Variants in COMMD1 observed in about 807,000 individuals in gnomAD.
COMMD1 encodes the protein COMM domain-containing protein 1.
COMMD1 carries 10 observed loss-of-function variants against 17.2 expected under a neutral mutation model. The observed-to-expected ratio is 0.58, with a 90% confidence interval of 0.36 to 0.99. The LOEUF is 0.99. COMMD1 is among the 50% of genes least tolerant of loss of function. The probability of loss-of-function intolerance (pLI) is 0.01; values close to 1 mark genes in which losing one functional copy is unlikely to be tolerated. For synonymous variants in COMMD1, 97 were observed against 91.6 expected (o/e 1.06, Z -0.34); for missense variants, 270 against 231.8 (o/e 1.17, Z -1.07).
At chr2:61,912,314 T>C (rs1401192268) in intron 1 of COMMD1, among the ~76,000 whole-genome samples, 1 of 152,190 alleles carries the variant, frequency 6.6e-6, no homozygotes, top group Non-Finnish European at 1.5e-5. Flanking sequence ...ATTAAAAAGA[T>C]TGGCATAGAG....
At chr2:62,131,919 C>T (rs529452933) in intron 2 of COMMD1, among the ~76,000 whole-genome samples, 14 of 150,060 alleles carry the variant, frequency 9.3e-5, no homozygotes, top group East Asian at 4.0e-4. Flanking sequence ...TAGACAGTCT[C>T]GCTCTGTTGC....
intron 2 of COMMD1, among the ~76,000 whole-genome samples, chr2:62,071,994 GT>G (rs35662724): frequency 9.2e-4 from 133 of 144,978 alleles, no homozygotes; most frequent in Non-Finnish European, 1.4e-3. Flanking sequence ...TTGTTAAATT[GT>G]TTTTTTTTTT....
chr2:62,056,658 G>A (rs1271164743), intron 2 of COMMD1, among the ~76,000 whole-genome samples: 2 of 152,210 alleles, frequency 1.3e-5, no homozygotes, highest in East Asian at 3.8e-4. Flanking sequence ...GAGGGATTGA[G>A]CCAAGGCCTT....
At chr2:61,936,092 C>G (rs147529991) in intron 1 of COMMD1, among the ~76,000 whole-genome samples, 2 of 152,246 alleles carry the variant, frequency 1.3e-5, no homozygotes, top group African/African-American at 4.8e-5. Context: ...TGCTGAGACA[C>G]CATGCCCGGC....
At chr2:62,094,858 T>C (rs1229154530) in intron 2 of COMMD1, among the ~76,000 whole-genome samples, 1 of 152,246 alleles carries the variant, frequency 6.6e-6, no homozygotes, top group African/African-American at 2.4e-5. Context: ...GGCCACTGGC[T>C]GATCTATCTC....
intron 2 of COMMD1, chr2:62,079,659 T>G (rs1671462772): frequency 6.6e-6 from 1 of 152,202 alleles, no homozygotes; most frequent in African/African-American, 2.4e-5. Flanking sequence ...AAGTTTATTT[T>G]GGGTTTACAT....
chr2:61,910,056 G>A lies in COMMD1; in HGVS notation c.180+4198G>A, dbSNP rs748820485. Reference sequence around the variant, plus strand: ...CTAGCTTTGCCTGTTAATCACAAAAGGACAAACCTTTCACCTGCTTGTAGA... The same window carrying A: ...CTAGCTTTGCCTGTTAATCACAAAAAGACAAACCTTTCACCTGCTTGTAGA... On this transcript the variant is annotated intron_variant, in intron 1 of 2. Coordinates refer to ENST00000311832, the MANE Select transcript of COMMD1 (RefSeq NM_152516.4). Among the ~76,000 whole-genome samples, 39 of 152,232 alleles carry A rather than the reference G, an allele frequency of 2.6e-4. 1 individual carries two copies. The highest frequency in any genetic ancestry group is 9.8e-4 in the Admixed American group (15 of 15,276).
At chr2:62,025,363 A>C (rs1669726465) in intron 2 of COMMD1, among the ~76,000 whole-genome samples, 1 of 147,942 alleles carries the variant, frequency 6.8e-6, no homozygotes, top group Non-Finnish European at 1.5e-5. Context: ...CCATCTCTAC[A>C]AAAAAATTCT....
chr2:62,079,418 C>A (rs192988240), intron 2 of COMMD1, among the ~76,000 whole-genome samples: 10 of 152,300 alleles, frequency 6.6e-5, no homozygotes, highest in African/African-American at 2.4e-4. Context: ...AATGCCTTTG[C>A]TCTCCATATA....
chr2:62,087,297 C>T (rs1258948631), intron 2 of COMMD1, among the ~76,000 whole-genome samples: 1 of 152,188 alleles, frequency 6.6e-6, no homozygotes, highest in Admixed American at 6.5e-5. Context: ...GGTCACATGG[C>T]TGCTTCAGGA....
At chr2:62,015,869 A>G (rs1409231855) in intron 2 of COMMD1, among the ~76,000 whole-genome samples, 1 of 151,902 alleles carries the variant, frequency 6.6e-6, no homozygotes, top group East Asian at 1.9e-4. Context: ...GTCTTGCTCC[A>G]TCTCCCAGGC....
Position 61,905,732 on chromosome 2 carries a change from G to T in COMMD1, c.54G>T (p.Ala18=). ...AACCCCTGAGCGGGCTGCTGAATGC[G>T]CTGGCCCAGGACACTTTCCACGGGT... is the stretch of plus-strand genomic sequence containing the variant. ...GGKPLSGLLN[A]LAQDTFHGYP... is the part of the protein sequence containing the mutation. The change falls in exon 1 of 3, where the codon GCG becomes GCT. Residue 18 remains alanine, a synonymous_variant. Transcript: ENST00000311832. 1 of 1,611,804 alleles carries T rather than the reference G, an allele frequency of 6.2e-7. No homozygotes were observed. Among genetic ancestry groups the T allele is most frequent in the Non-Finnish European group, 8.5e-7 (1 of 1,178,882 alleles).
chr2:62,073,411 C>A (rs1320850997), intron 2 of COMMD1, among the ~76,000 whole-genome samples: 1 of 152,228 alleles, frequency 6.6e-6, no homozygotes, highest in Non-Finnish European at 1.5e-5. Context: ...ATCCTCTAAT[C>A]TTCACCTAAG....
At chr2:61,914,210 A>G (rs891642629) in intron 1 of COMMD1, among the ~76,000 whole-genome samples, 6 of 152,052 alleles carry the variant, frequency 3.9e-5, no homozygotes, top group Non-Finnish European at 8.8e-5. Flanking sequence ...AATATAATAT[A>G]TAAATTATGT....
chr2:62,114,797 C>T (rs1235214393), intron 2 of COMMD1, among the ~76,000 whole-genome samples: 2 of 152,082 alleles, frequency 1.3e-5, no homozygotes, highest in African/African-American at 4.8e-5. Context: ...TTCCACTAGC[C>T]GATGCATGTG....
chr2:62,126,640 T>C (rs1672895376), intron 2 of COMMD1, among the ~76,000 whole-genome samples: 1 of 152,226 alleles, frequency 6.6e-6, no homozygotes, highest in Admixed American at 6.5e-5. Flanking sequence ...AAGTTCCTTG[T>C]AGATTCTAGA....
intron 2 of COMMD1, among the ~76,000 whole-genome samples, chr2:62,066,154 A>T (rs1295282071): frequency 6.6e-6 from 1 of 152,208 alleles, no homozygotes; most frequent in Non-Finnish European, 1.5e-5. Flanking sequence ...GAGAGAGGAC[A>T]ACTGGATTCT....
At chr2:62,104,403 G>A (rs1004684756) in intron 2 of COMMD1, among the ~76,000 whole-genome samples, 1 of 151,964 alleles carries the variant, frequency 6.6e-6, no homozygotes, top group African/African-American at 2.4e-5. Context: ...GGAGGCGGAG[G>A]TGGGCAGATC....
chr2:61,968,140 G>A (rs1671552912), intron 1 of COMMD1, among the ~76,000 whole-genome samples: 1 of 151,684 alleles, frequency 6.6e-6, no homozygotes, highest in African/African-American at 2.4e-5. Flanking sequence ...CTGCCTGGGT[G>A]ACACAGTGAG....
Sources: allele counts gnomAD v4.1 joint callset (sites outside exome capture counted in the v4.1 genomes callset), GRCh38; gene constraint gnomAD v4.1.1; transcripts MANE v1.5; gene names NCBI Gene and HGNC (gene_info 2026-07-23, HGNC 2026-07-21).